The following CLIC4 variants were observed in gnomAD, a reference collection of about 807,000 sequenced individuals.
CLIC4 encodes the protein CLIC family member 4, also known as chloride intracellular channel protein 4.
In CLIC4, 13 loss-of-function variants were observed where a neutral mutation model predicts 24.6. The observed-to-expected ratio is 0.53, with a 90% CI of 0.34 to 0.84. The LOEUF (loss-of-function observed/expected upper bound fraction) is 0.84, where lower values mean the gene tolerates loss of function less well. Among genes scored for constraint, CLIC4 ranks in the 40% least tolerant of loss-of-function variants. The pLI is 0.01. For missense variants in CLIC4, 227 were observed against 301.7 expected (o/e 0.75, Z 1.83); for synonymous variants, 104 against 111.3 (o/e 0.93, Z 0.41).
chr1:24,767,986 G>A (rs1265934409), intron 1 of CLIC4, among the ~76,000 whole-genome samples: 1 of 151,840 alleles, frequency 6.6e-6, no homozygotes, highest in African/African-American at 2.4e-5. Flanking sequence ...GATTACAGGC[G>A]CTTGCCACCA....
intron 2 of CLIC4, among the ~76,000 whole-genome samples, chr1:24,801,079 A>G (rs1639483872): frequency 6.6e-6 from 1 of 152,114 alleles, no homozygotes; most frequent in Non-Finnish European, 1.5e-5. Flanking sequence ...AAATTAAAAA[A>G]AAAAAAAAGA....
At chr1:24,796,956 A>ATT (rs1228731914) in intron 1 of CLIC4, among the ~76,000 whole-genome samples, 2 of 148,290 alleles carry the variant, frequency 1.3e-5, no homozygotes, top group East Asian at 2.0e-4. Context: ...TTATTTATTT[A>ATT]TTTATTTTTT....
chr1:24,755,275 C>G (rs748346500), intron 1 of CLIC4, among the ~76,000 whole-genome samples: 2 of 150,548 alleles, frequency 1.3e-5, no homozygotes, highest in East Asian at 2.0e-4. Context: ...CCCATCTCTA[C>G]TAAAAATACA....
intron 4 of CLIC4, 90 bp from the exon 5 acceptor site, chr1:24,839,770 C>T: frequency 8.9e-7 from 1 of 1,118,188 alleles, no homozygotes; most frequent in Non-Finnish European, 1.3e-6. Flanking sequence ...CATTTTTAAA[C>T]AGTTATTGAC....
intron 1 of CLIC4, among the ~76,000 whole-genome samples, chr1:24,771,385 T>TA (rs1639069143): frequency 6.6e-6 from 1 of 152,186 alleles, no homozygotes; most frequent in African/African-American, 2.4e-5. Context: ...CACCTTTAAT[T>TA]ACATTTTTGT....
intron 1 of CLIC4, among the ~76,000 whole-genome samples, chr1:24,790,812 G>A (rs187451161): frequency 1.3e-3 from 205 of 152,260 alleles, no homozygotes; most frequent in Non-Finnish European, 2.3e-3. Flanking sequence ...GTTACATTAA[G>A]TTGGAAATAA....
chr1:24,796,813 C>T (rs1639408814), intron 1 of CLIC4, among the ~76,000 whole-genome samples: 1 of 152,130 alleles, frequency 6.6e-6, no homozygotes, highest in Non-Finnish European at 1.5e-5. Context: ...CTTGAACTAG[C>T]CCCATTACAT....
At chr1:24,813,986 C>G in intron 2 of CLIC4, 108 bp from the exon 3 acceptor site, 3 of 1,289,136 alleles carry the variant, frequency 2.3e-6, no homozygotes, top group Admixed American at 3.6e-5. Context: ...TGTAGTGCTA[C>G]GACTACAGAC....
intron 2 of CLIC4, among the ~76,000 whole-genome samples, chr1:24,808,467 G>A (rs1380151430): frequency 6.6e-6 from 1 of 151,996 alleles, no homozygotes; most frequent in South Asian, 2.1e-4. Context: ...ATAATGACAA[G>A]AAAAAGTCTG....
chr1:24,775,097 A>G (rs74637043), intron 1 of CLIC4, among the ~76,000 whole-genome samples: 2,200 of 151,418 alleles, frequency 0.015, 18 homozygotes, highest in Middle Eastern at 0.024. Flanking sequence ...AAGTGATTCC[A>G]TGTTTTCTGG....
chr1:24,837,851 C>T (rs971272899), intron 4 of CLIC4, among the ~76,000 whole-genome samples: 10 of 152,140 alleles, frequency 6.6e-5, no homozygotes, highest in East Asian at 1.9e-4. Flanking sequence ...CGGTCTTCTC[C>T]GCAGACTATT....
rs371409071 is a variant in CLIC4 at position 24,785,003 on chromosome 1, CA to C, written c.73-12724del. 6.3e-4 allele frequency among the ~76,000 whole-genome samples: 77 copies of C among 122,230 alleles called. 1 individual carries two copies. Among genetic ancestry groups the C allele is most frequent in the South Asian group, 3.8e-3 (14 of 3,682 alleles). 80.2% of individuals were successfully genotyped at this position (122,230 alleles called of 152,430 possible). A position where few individuals can be genotyped will look rare whatever the true frequency, so the allele number is the denominator to read the frequency against. On this transcript the variant is annotated intron_variant, in intron 1 of 5. Transcript: ENST00000374379. ...TGGGCGACAGCGCGAGACTCTGTCTCAAAAAAAAAAAAAAAGAAAAAAGAAA... is the reference window on the plus strand; with the variant it reads ...TGGGCGACAGCGCGAGACTCTGTCTCAAAAAAAAAAAAAAGAAAAAAGAAA...
intron 1 of CLIC4, among the ~76,000 whole-genome samples, chr1:24,755,862 C>T (rs937878377): frequency 4.6e-5 from 7 of 151,878 alleles, no homozygotes; most frequent in South Asian, 2.1e-4. Context: ...GCTCTTGTTG[C>T]CCAGGCTGGA....
chr1:24,821,800 G>T (rs6665083), intron 3 of CLIC4, among the ~76,000 whole-genome samples: 93,876 of 151,962 alleles, frequency 0.62, 30,164 homozygotes, highest in Non-Finnish European at 0.71. Flanking sequence ...CCCAAGCTGT[G>T]GCCTTGAACT....
chr1:24,806,184 C>T (rs1041161098), intron 2 of CLIC4, among the ~76,000 whole-genome samples: 2 of 152,142 alleles, frequency 1.3e-5, no homozygotes, highest in African/African-American at 4.8e-5. Flanking sequence ...GGCTCAGTTT[C>T]ATTTATCTCA....
intron 1 of CLIC4, among the ~76,000 whole-genome samples, chr1:24,789,401 C>G (rs1411496373): frequency 6.6e-6 from 1 of 152,038 alleles, no homozygotes; most frequent in Non-Finnish European, 1.5e-5. Flanking sequence ...GCCTATAATC[C>G]CAGCTATTCG....
chr1:24,805,095 AAAAAAAAAAACAC>A (rs1272574924), intron 2 of CLIC4, among the ~76,000 whole-genome samples: 3 of 142,370 alleles, frequency 2.1e-5, no homozygotes, highest in East Asian at 2.0e-4. Flanking sequence ...TCAAAAAAAA[AAAAAAAAAAACAC>A]AAAAACAAAG....
intron 1 of CLIC4, among the ~76,000 whole-genome samples, chr1:24,753,993 C>G (rs1156589940): frequency 1.3e-5 from 2 of 152,134 alleles, no homozygotes; most frequent in African/African-American, 4.8e-5. Flanking sequence ...GACAATATTA[C>G]CTTGAATCTA....
chr1:24,794,351 GTTTT>G (rs767444585), intron 1 of CLIC4, among the ~76,000 whole-genome samples: 1 of 130,850 alleles, frequency 7.6e-6, no homozygotes, highest in African/African-American at 2.7e-5. Flanking sequence ...GCCAGCATCT[GTTTT>G]TTTTTTTTTT....
Sources: gnomAD v4.1 joint callset for allele counts (sites outside exome capture counted in the v4.1 genomes callset) on GRCh38, gnomAD v4.1.1 for gene constraint, MANE v1.5 for transcripts, NCBI Gene and HGNC (gene_info 2026-07-23, HGNC 2026-07-21) for gene names.